The following GTF2A1L variants were observed in gnomAD, a reference collection of about 807,000 sequenced individuals.
The protein encoded by GTF2A1L is TFIIA-alpha and beta-like factor.
Under a neutral mutation model 49.7 loss-of-function variants are expected in GTF2A1L, and 48 were observed. The observed-to-expected ratio is 0.97, with a 90% CI of 0.77 to 1.23. The LOEUF (loss-of-function observed/expected upper bound fraction) is 1.23, where lower values mean the gene tolerates loss of function less well. Ranked by LOEUF, GTF2A1L falls within the 50% of genes most tolerant of loss-of-function variation. The pLI, the probability that GTF2A1L is intolerant of heterozygous loss-of-function variation, is 0.00. For missense variants in GTF2A1L, 736 were observed against 564.8 expected (o/e 1.30, Z -3.07); for synonymous variants, 246 against 193.5 (o/e 1.27, Z -2.25).
chr2:48,644,057 GCT>G (rs1243977655), intron 4 of GTF2A1L, among the ~76,000 whole-genome samples: 5 of 152,096 alleles, frequency 3.3e-5, no homozygotes, highest in African/African-American at 1.2e-4. Flanking sequence ...TGTAGTCCTG[GCT>G]ACTTGAGAGG....
At chr2:48,619,088 T>G (rs1056862628) in intron 1 of GTF2A1L, among the ~76,000 whole-genome samples, 1 of 152,224 alleles carries the variant, frequency 6.6e-6, no homozygotes, top group East Asian at 1.9e-4. Flanking sequence ...TGCTTGTGAA[T>G]AACATTATTT....
At chr2:48,649,802 C>A (rs1420521718) in intron 6 of GTF2A1L, among the ~76,000 whole-genome samples, 1 of 152,166 alleles carries the variant, frequency 6.6e-6, no homozygotes, top group Non-Finnish European at 1.5e-5. Flanking sequence ...ATATACAAAG[C>A]ATATTACGCG....
intron 6 of GTF2A1L, among the ~76,000 whole-genome samples, chr2:48,655,188 G>T: frequency 6.6e-6 from 1 of 151,150 alleles, no homozygotes; most frequent in Non-Finnish European, 1.5e-5. Flanking sequence ...CTAGTTTTTA[G>T]CATATACATA....
chr2:48,629,371 G>A (rs1199340025), intron 3 of GTF2A1L, among the ~76,000 whole-genome samples: 3 of 144,660 alleles, frequency 2.1e-5, no homozygotes, highest in African/African-American at 7.4e-5. Context: ...GATATGGAAG[G>A]CATGTAAGAA....
chr2:48,652,958 G>A (rs920005991), intron 6 of GTF2A1L, among the ~76,000 whole-genome samples: 2 of 151,874 alleles, frequency 1.3e-5, no homozygotes, highest in African/African-American at 4.8e-5. Context: ...GGCCGGGCAC[G>A]GTGGCTCACG....
chr2:48,659,206 A>G (rs1283337204), intron 6 of GTF2A1L, among the ~76,000 whole-genome samples: 2 of 152,028 alleles, frequency 1.3e-5, no homozygotes, highest in Admixed American at 1.3e-4. Context: ...TGTTCTCTCA[A>G]TTTCTTGTAT....
intron 3 of GTF2A1L, among the ~76,000 whole-genome samples, chr2:48,628,818 G>C (rs1033989322): frequency 6.9e-6 from 1 of 143,938 alleles, no homozygotes; most frequent in African/African-American, 2.5e-5. Flanking sequence ...GTGTTTCCTA[G>C]GTTTTCTTCT....
At chr2:48,656,621 A>C (rs1267657329) in intron 6 of GTF2A1L, among the ~76,000 whole-genome samples, 1 of 151,852 alleles carries the variant, frequency 6.6e-6, no homozygotes, top group African/African-American at 2.4e-5. Flanking sequence ...ATGATTTGCA[A>C]ATATTTTCTC....
chr2:48,638,464 A>G (rs1467233030), intron 3 of GTF2A1L, among the ~76,000 whole-genome samples: 1 of 152,216 alleles, frequency 6.6e-6, no homozygotes, highest in East Asian at 1.9e-4. Flanking sequence ...AAACAAAACT[A>G]GACAGAAACC....
In GTF2A1L at chr2:48,645,126, A is replaced by C; in HGVS notation, c.388+9A>C. 6.3e-7 allele frequency: 1 copy of C among 1,585,400 alleles called. No individual in the cohort carries two copies. The highest frequency in any genetic ancestry group is 8.5e-7 in the Non-Finnish European group (1 of 1,170,866). On this transcript the variant is annotated intron_variant, in intron 5 of 8. Coordinates refer to ENST00000403751, the MANE Select transcript of GTF2A1L (RefSeq NM_006872.5). ...ACTACAGACTGTATCTGGTGAGAGT[A>C]TATTCTAAGAATCTTTTTGTTTTCA...
intron 4 of GTF2A1L, among the ~76,000 whole-genome samples, chr2:48,644,737 C>T (rs1160769539): frequency 6.6e-6 from 1 of 152,108 alleles, no homozygotes; most frequent in Non-Finnish European, 1.5e-5. Flanking sequence ...GGTCTGAGAA[C>T]CAATGGCCCT....
Position 48,679,383 on chromosome 2 carries a change from A to T in GTF2A1L, c.1378A>T (p.Met460Leu). ...KWKFYLKDGV[M>L]CFGGRDYVFA... is the part of the protein sequence containing the mutation. ...GAAATTCTATTTGAAAGATGGTGTT[A>T]TGTGTTTTGGAGGGAGAGACTATGT... is the stretch of plus-strand genomic sequence containing the variant. Residue 460 changes from methionine (M) to leucine (L), a missense_variant, in exon 9 of 9, where the codon ATG (methionine) becomes TTG (leucine). Transcript: ENST00000403751. The T allele has an allele frequency of 6.2e-7, 1 of 1,612,196 alleles. No individual in the cohort carries two copies. Among genetic ancestry groups the T allele is most frequent in the South Asian group, 1.1e-5 (1 of 90,952 alleles).
chr2:48,638,026 C>T (rs571256694), intron 3 of GTF2A1L, among the ~76,000 whole-genome samples: 18 of 152,232 alleles, frequency 1.2e-4, no homozygotes, highest in African/African-American at 3.6e-4. Context: ...CAAGACTTAA[C>T]GAGGAAGAAA....
intron 3 of GTF2A1L, among the ~76,000 whole-genome samples, chr2:48,636,719 A>G (rs1676908966): frequency 6.6e-6 from 1 of 152,222 alleles, no homozygotes; most frequent in South Asian, 2.1e-4. Flanking sequence ...TTCTGCATGT[A>G]GGGTGACTAT....
chr2:48,676,019 A>G (rs887179699), intron 8 of GTF2A1L, among the ~76,000 whole-genome samples: 1 of 151,932 alleles, frequency 6.6e-6, no homozygotes, highest in Non-Finnish European at 1.5e-5. Flanking sequence ...TTTGCTTTCT[A>G]TTAGTAGCTC....
intron 6 of GTF2A1L, among the ~76,000 whole-genome samples, chr2:48,664,265 T>G (rs534203698): frequency 1.8e-3 from 272 of 152,012 alleles, no homozygotes; most frequent in African/African-American, 6.2e-3. Flanking sequence ...TGGTTTTAAT[T>G]TTTTTTTGTA....
At chr2:48,623,930 G>T (rs914270858) in intron 3 of GTF2A1L, among the ~76,000 whole-genome samples, 11 of 152,126 alleles carry the variant, frequency 7.2e-5, no homozygotes, top group African/African-American at 2.7e-4. Context: ...AGGGGGCAAG[G>T]GTTGAAAAAC....
rs756190097 is a variant in GTF2A1L at position 48,645,077 on chromosome 2, C to G, written c.348C>G (p.Pro116=). 3.1e-6 allele frequency: 5 copies of G among 1,612,674 alleles called. No individual in the cohort carries two copies. In the South Asian group the frequency reaches 5.5e-5, roughly 18 times the overall value. ...SSANFTFPGY[P]IHVPAGVTLQ... is the part of the protein sequence containing the mutation. ...CAAACTTTACTTTTCCTGGTTATCC[C>G]ATTCATGTACCAGCAGGTGTGACAC... is the stretch of plus-strand genomic sequence containing the variant. The change falls in exon 5 of 9, where the codon CCC becomes CCG. Residue 116 remains proline, a synonymous_variant. Coordinates refer to ENST00000403751, the MANE Select transcript of GTF2A1L (RefSeq NM_006872.5).
intron 6 of GTF2A1L, among the ~76,000 whole-genome samples, chr2:48,660,629 A>G (rs1336640084): frequency 6.6e-6 from 1 of 151,576 alleles, no homozygotes; most frequent in Admixed American, 6.6e-5. Context: ...CCCCTCTTTT[A>G]TTTATAATTT....
Sources: gnomAD v4.1 joint callset for allele counts (sites outside exome capture counted in the v4.1 genomes callset) on GRCh38, gnomAD v4.1.1 for gene constraint, MANE v1.5 for transcripts, NCBI Gene and HGNC (gene_info 2026-07-23, HGNC 2026-07-21) for gene names.